The following B3GALT1 variants were observed in gnomAD, a reference collection of about 807,000 sequenced individuals.
B3GALT1 encodes the protein beta-1,3-galactosyltransferase 1.
Under a neutral mutation model 23.2 loss-of-function variants are expected in B3GALT1, and 10 were observed. The observed-to-expected ratio is 0.43, with a 90% CI of 0.27 to 0.73. B3GALT1 has a LOEUF of 0.73. Ranked by LOEUF, B3GALT1 falls within the 30% of genes least tolerant of loss-of-function variation. The probability of loss-of-function intolerance (pLI) is 0.21; values close to 1 mark genes in which losing one functional copy is unlikely to be tolerated. For missense variants in B3GALT1, 299 were observed against 405.4 expected, an observed-to-expected ratio of 0.74 and a Z score of 2.25; for synonymous variants, 156 against 141.5, an observed-to-expected ratio of 1.10 and a Z score of -0.73.
chr2:167,583,964 C>T (rs1416591868), intron 2 of B3GALT1, among the ~76,000 whole-genome samples: 1 of 147,262 alleles, frequency 6.8e-6, no homozygotes, highest in East Asian at 2.0e-4. Flanking sequence ...GACATATATA[C>T]CAAATACCCA....
chr2:167,669,469 A>G lies in B3GALT1; in HGVS notation c.-352+22503A>G, dbSNP rs540269037. Among the ~76,000 whole-genome samples the G allele has an allele frequency of 3.2e-4, 49 of 152,172 alleles. No individual in the cohort carries two copies. The East Asian group carries it at 8.7e-3, about 27-fold the overall frequency. On this transcript the variant is annotated intron_variant, in intron 3 of 4. Transcript: ENST00000392690. ...CAGATATGGAGAGGAATAATGGACAATTCAAGGAATTTCCCAGTGTGAAAT... is the reference window on the plus strand; with the variant it reads ...CAGATATGGAGAGGAATAATGGACAGTTCAAGGAATTTCCCAGTGTGAAAT...
chr2:167,749,289 G>T (rs1687697905), intron 3 of B3GALT1, among the ~76,000 whole-genome samples: 4 of 152,298 alleles, frequency 2.6e-5, no homozygotes, highest in Non-Finnish European at 2.9e-5. Context: ...AACTTTTGCA[G>T]TGTCATATCC....
intron 2 of B3GALT1, among the ~76,000 whole-genome samples, chr2:167,582,270 C>G (rs1684497929): frequency 6.6e-6 from 1 of 152,134 alleles, no homozygotes; most frequent in Admixed American, 6.5e-5. Context: ...AAAAAAAATT[C>G]AAATGGTTTT....
At chr2:167,454,196 A>AGT (rs35747652) in intron 1 of B3GALT1, among the ~76,000 whole-genome samples, 21,841 of 152,032 alleles carry the variant, frequency 0.14, 1,717 homozygotes, top group East Asian at 0.23. Flanking sequence ...ATAACAGGAA[A>AGT]GTGTGTGTGT....
intron 1 of B3GALT1, among the ~76,000 whole-genome samples, chr2:167,477,059 A>T (rs528040782): frequency 3.9e-5 from 6 of 152,310 alleles, no homozygotes; most frequent in South Asian, 4.1e-4. Context: ...AAGAATCCTA[A>T]TGCGTAACTC....
chr2:167,585,856 A>G (rs1684576218), intron 2 of B3GALT1, among the ~76,000 whole-genome samples: 1 of 152,194 alleles, frequency 6.6e-6, no homozygotes, highest in Non-Finnish European at 1.5e-5. Flanking sequence ...ATACAAAAAT[A>G]AAAATAACAT....
intron 1 of B3GALT1, among the ~76,000 whole-genome samples, chr2:167,410,773 A>G (rs1435728624): frequency 6.6e-6 from 1 of 152,116 alleles, no homozygotes. Flanking sequence ...AAATAGCTCC[A>G]AAAGCACAGA....
chr2:167,504,817 A>G (rs1187376881), intron 2 of B3GALT1, among the ~76,000 whole-genome samples: 1 of 152,230 alleles, frequency 6.6e-6, no homozygotes, highest in Non-Finnish European at 1.5e-5. Flanking sequence ...TTTGTAGCCT[A>G]GGAACAACAG....
chr2:167,460,346 G>T (rs1699240116), intron 1 of B3GALT1, among the ~76,000 whole-genome samples: 1 of 151,922 alleles, frequency 6.6e-6, no homozygotes, highest in Admixed American at 6.6e-5. Flanking sequence ...TTGTTCTGTT[G>T]TCAAGTTTGC....
At chr2:167,393,781 A>T (rs1401840459) in intron 1 of B3GALT1, among the ~76,000 whole-genome samples, 2 of 152,222 alleles carry the variant, frequency 1.3e-5, no homozygotes, top group Admixed American at 1.3e-4. Flanking sequence ...ACAGGGCAAG[A>T]GTTAAAGGCA....
intron 2 of B3GALT1, among the ~76,000 whole-genome samples, chr2:167,545,074 G>A (rs543574053): frequency 2.7e-4 from 31 of 115,088 alleles, no homozygotes; most frequent in African/African-American, 1.0e-3. Flanking sequence ...TCGCTCTGTC[G>A]CCCAGGCTGG....
chr2:167,493,713 G>T (rs1699741078), intron 2 of B3GALT1, among the ~76,000 whole-genome samples: 1 of 152,152 alleles, frequency 6.6e-6, no homozygotes, highest in Non-Finnish European at 1.5e-5. Context: ...AAGTGTGTTG[G>T]CATTGGAAGT....
At chr2:167,441,498 T>C (rs1698892862) in intron 1 of B3GALT1, among the ~76,000 whole-genome samples, 1 of 152,200 alleles carries the variant, frequency 6.6e-6, no homozygotes, top group East Asian at 1.9e-4. Context: ...TTTTATACTG[T>C]TGTGAGTTCT....
In B3GALT1 at chr2:167,507,475, C is replaced by T. The variant is rs1206365716; in HGVS notation, c.-410+17198C>T. Among the ~76,000 whole-genome samples the T allele has an allele frequency of 5.6e-5, 7 of 124,440 alleles. No homozygotes were observed. In the East Asian group the frequency reaches 7.8e-4, roughly 14 times the overall value. The allele number at this position is 124,440 out of a possible 152,430, so 81.6% of individuals were successfully genotyped here. On this transcript the variant is annotated intron_variant, in intron 2 of 4. Coordinates refer to ENST00000392690, the MANE Select transcript of B3GALT1 (RefSeq NM_020981.4). The stretch of plus-strand genomic sequence containing the variant: ...GAACCAAGATCGCGCCACTGCACTC[C>T]AGCCTGGAGACAGAGGAAGACTCCG...
At chr2:167,810,171 G>T (rs1036401276) in intron 3 of B3GALT1, among the ~76,000 whole-genome samples, 5 of 150,994 alleles carry the variant, frequency 3.3e-5, no homozygotes, top group African/African-American at 5.0e-5. Flanking sequence ...GATTTTCCAG[G>T]TGCCATCTGT....
chr2:167,443,192 C>T (rs199991172), intron 1 of B3GALT1, among the ~76,000 whole-genome samples: 1,716 of 151,566 alleles, frequency 0.011, 31 homozygotes, highest in African/African-American at 0.038. Flanking sequence ...TGTAGATATG[C>T]GGCGTTATTT....
At chr2:167,728,120 C>T (rs1409150274) in intron 3 of B3GALT1, among the ~76,000 whole-genome samples, 1 of 152,182 alleles carries the variant, frequency 6.6e-6, no homozygotes, top group East Asian at 1.9e-4. Flanking sequence ...GGTATGGTGG[C>T]TCATGCCTAT....
At chr2:167,742,042 G>A (rs534918899) in intron 3 of B3GALT1, among the ~76,000 whole-genome samples, 3 of 152,198 alleles carry the variant, frequency 2.0e-5, no homozygotes, top group Admixed American at 6.5e-5. Flanking sequence ...AGACTCTAAC[G>A]ACTCCAAATG....
intron 2 of B3GALT1, among the ~76,000 whole-genome samples, chr2:167,610,542 A>G (rs1685041706): frequency 6.6e-6 from 1 of 152,114 alleles, no homozygotes; most frequent in South Asian, 2.1e-4. Context: ...TCTCCTGCTT[A>G]AAGGTGGAAC....
Sources: allele counts gnomAD v4.1 joint callset (sites outside exome capture counted in the v4.1 genomes callset), GRCh38; gene constraint gnomAD v4.1.1; transcripts MANE v1.5; gene names NCBI Gene and HGNC (gene_info 2026-07-23, HGNC 2026-07-21).